The following SAMD12 variants were observed in gnomAD, a reference collection of about 807,000 sequenced individuals.
SAMD12 encodes sterile alpha motif domain-containing protein 12.
Under a neutral mutation model 15.0 loss-of-function variants are expected in SAMD12, and 9 were observed. The ratio of observed to expected loss-of-function variants is 0.60; its 90% CI spans 0.36 to 1.05. The LOEUF (loss-of-function observed/expected upper bound fraction) is 1.05, where lower values mean the gene tolerates loss of function less well. Among genes scored for constraint, SAMD12 ranks in the 50% least tolerant of loss-of-function variants. The probability of loss-of-function intolerance (pLI) is 0.01; values close to 1 mark genes in which losing one functional copy is unlikely to be tolerated. For missense variants in SAMD12, 230 were observed against 234.2 expected (o/e 0.98, Z 0.12); for synonymous variants, 86 against 90.1 (o/e 0.96, Z 0.25).
chr8:118,312,947 T>C (rs544794948), intron 4 of SAMD12, among the ~76,000 whole-genome samples: 1 of 152,312 alleles, frequency 6.6e-6, no homozygotes, highest in Admixed American at 6.5e-5. Flanking sequence ...CCATAGTTAC[T>C]ACTAAGGAAT....
At chr8:118,160,425 A>G in the SAMD12 span, among the ~76,000 whole-genome samples, 4 of 152,230 alleles carry the variant, frequency 2.6e-5, no homozygotes, top group African/African-American at 7.2e-5. Context: ...AATTTATACT[A>G]TCTGATTTTA....
At chr8:118,156,201 C>G in the SAMD12 span, among the ~76,000 whole-genome samples, 1 of 152,108 alleles carries the variant, frequency 6.6e-6, no homozygotes, top group African/African-American at 2.4e-5. Flanking sequence ...CAAAAAGACC[C>G]ACTGAGAGCA....
At chr8:118,433,121 C>T (rs9642841) in intron 3 of SAMD12, among the ~76,000 whole-genome samples, 81,586 of 151,930 alleles carry the variant, frequency 0.54, 24,310 homozygotes, top group Non-Finnish European at 0.65. Flanking sequence ...CCCTGACTAA[C>T]GCTCTTGGCC....
chr8:118,527,827 G>A (rs1432655832), intron 2 of SAMD12, among the ~76,000 whole-genome samples: 1 of 152,048 alleles, frequency 6.6e-6, no homozygotes, highest in African/African-American at 2.4e-5. Flanking sequence ...ACGATAATTT[G>A]ACATTATTTG....
chr8:118,371,549 G>C (rs192132637), intron 4 of SAMD12, among the ~76,000 whole-genome samples: 2 of 152,182 alleles, frequency 1.3e-5, no homozygotes, highest in East Asian at 3.9e-4. Context: ...AGCCTTCCAT[G>C]ACAGGTGACA....
intron 2 of SAMD12, among the ~76,000 whole-genome samples, chr8:118,547,744 A>G (rs942238701): frequency 1.3e-5 from 2 of 152,216 alleles, no homozygotes; most frequent in African/African-American, 4.8e-5. Flanking sequence ...TACCATATAA[A>G]ATATGTATTT....
At chr8:118,258,793 G>A (rs755369281) in intron 4 of SAMD12, among the ~76,000 whole-genome samples, 12 of 152,106 alleles carry the variant, frequency 7.9e-5, no homozygotes, top group Non-Finnish European at 1.5e-4. Flanking sequence ...ACACCATAAA[G>A]TGACATTAAT....
intron 4 of SAMD12, among the ~76,000 whole-genome samples, chr8:118,236,962 T>G (rs1393704668): frequency 6.6e-6 from 1 of 152,112 alleles, no homozygotes; most frequent in African/African-American, 2.4e-5. Context: ...GGCACAAGAC[T>G]GACCCCATGG....
chr8:118,134,756 T>A, the SAMD12 span, among the ~76,000 whole-genome samples: 2 of 152,276 alleles, frequency 1.3e-5, no homozygotes, highest in East Asian at 3.9e-4. Flanking sequence ...TTGTCCGCTG[T>A]TTAATCTTCA....
rs953384767 is a variant in SAMD12 at position 118,602,181 on chromosome 8, C to T, written c.13+19623G>A. ...CCCAAGAAGTTCCATACACAGGAAACCTCTCTTTCAGGGCTGAAGGTATTT... is the reference window on the plus strand; with the variant it reads ...CCCAAGAAGTTCCATACACAGGAAATCTCTCTTTCAGGGCTGAAGGTATTT... On this transcript the variant is annotated intron_variant, in intron 1 of 3. Transcript: ENST00000314727. Among the ~76,000 whole-genome samples the T allele has an allele frequency of 2.0e-5, 3 of 152,154 alleles. No individual in the cohort carries two copies. In the East Asian group the frequency reaches 5.8e-4, roughly 29 times the overall value.
At chr8:118,430,633 T>C (rs927020034) in intron 3 of SAMD12, among the ~76,000 whole-genome samples, 1 of 152,230 alleles carries the variant, frequency 6.6e-6, no homozygotes, top group Non-Finnish European at 1.5e-5. Flanking sequence ...GTGCTGGGAT[T>C]ACAGGCATGA....
chr8:118,543,632 T>TTTTTTTTTTC (rs1826046254), intron 2 of SAMD12, among the ~76,000 whole-genome samples: 1 of 103,592 alleles, frequency 9.7e-6, no homozygotes, highest in Non-Finnish European at 1.8e-5. Context: ...TCTTTCTTTC[T>TTTTTTTTTTC]TTTTTTTTTT....
chr8:118,552,180 G>A (rs1563579490), intron 2 of SAMD12, among the ~76,000 whole-genome samples: 1 of 152,102 alleles, frequency 6.6e-6, no homozygotes, highest in Non-Finnish European at 1.5e-5. Flanking sequence ...CATTTTATGA[G>A]GCCAGCATCA....
intron 2 of SAMD12, among the ~76,000 whole-genome samples, chr8:118,451,961 C>G (rs1276685552): frequency 6.6e-6 from 1 of 152,098 alleles, no homozygotes; most frequent in Non-Finnish European, 1.5e-5. Flanking sequence ...AGCCCTAAGT[C>G]CCAACTTGTA....
At chr8:118,144,922 C>G in the SAMD12 span, among the ~76,000 whole-genome samples, 1 of 152,228 alleles carries the variant, frequency 6.6e-6, no homozygotes, top group South Asian at 2.1e-4. Context: ...AAAGAGAGAG[C>G]AATAAGATTC....
intron 4 of SAMD12, among the ~76,000 whole-genome samples, chr8:118,313,623 G>T (rs1815738726): frequency 6.6e-6 from 1 of 152,038 alleles, no homozygotes; most frequent in Non-Finnish European, 1.5e-5. Flanking sequence ...TGTAACAAGA[G>T]ACTAAAAAAA....
intron 2 of SAMD12, among the ~76,000 whole-genome samples, chr8:118,469,018 G>A (rs150739881): frequency 2.0e-5 from 3 of 152,168 alleles, no homozygotes; most frequent in Non-Finnish European, 2.9e-5. Flanking sequence ...GCCTTGGTCC[G>A]CACTATTCTT....
chr8:118,482,074 T>C (rs933447470), intron 2 of SAMD12, among the ~76,000 whole-genome samples: 1 of 152,240 alleles, frequency 6.6e-6, no homozygotes, highest in Admixed American at 6.5e-5. Context: ...CTCCTCAAAG[T>C]ATGATGCCAA....
At chr8:118,279,285 AG>A (rs1347428560) in intron 4 of SAMD12, among the ~76,000 whole-genome samples, 1 of 152,200 alleles carries the variant, frequency 6.6e-6, no homozygotes, top group Non-Finnish European at 1.5e-5. Context: ...GGTGGTGTTT[AG>A]TTCTGCTACT....
Sources: allele counts gnomAD v4.1 joint callset (sites outside exome capture counted in the v4.1 genomes callset), GRCh38; gene constraint gnomAD v4.1.1; transcripts MANE v1.5; gene names NCBI Gene and HGNC (gene_info 2026-07-23, HGNC 2026-07-21).